The following NXPE2 variants were observed in gnomAD, a reference collection of about 807,000 sequenced individuals.
NXPE2 encodes neurexophilin and PC-esterase domain family member 2, also known as NXPE family member 2.
In NXPE2, 34 loss-of-function variants were observed where a neutral mutation model predicts 34.4. That is an observed-to-expected ratio of 0.99 (90% CI 0.75 to 1.31). The LOEUF (loss-of-function observed/expected upper bound fraction) is 1.31. Among genes scored for constraint, NXPE2 ranks in the 40% most tolerant of loss-of-function variants. NXPE2 has a pLI of 0.00. For missense variants in NXPE2, 649 were observed against 672.5 expected, an observed-to-expected ratio of 0.97 and a Z score of 0.39; for synonymous variants, 235 against 231.3, an observed-to-expected ratio of 1.02 and a Z score of -0.15.
the NXPE2 span, among the ~76,000 whole-genome samples, chr11:114,630,947 A>G: frequency 1.3e-5 from 2 of 150,996 alleles, no homozygotes; most frequent in African/African-American, 4.9e-5. Context: ...TGGCCATCAG[A>G]GAAATGCAAA....
chr11:114,674,181 A>G (rs975119055), upstream of NXPE2, among the ~76,000 whole-genome samples: 3 of 151,854 alleles, frequency 2.0e-5, no homozygotes, highest in Non-Finnish European at 4.4e-5. Flanking sequence ...TTTATTTAAA[A>G]AATTCATGCA....
At chr11:114,490,086 T>C in the NXPE2 span, among the ~76,000 whole-genome samples, 2 of 152,192 alleles carry the variant, frequency 1.3e-5, no homozygotes, top group African/African-American at 2.4e-5. Context: ...AGCCAAATCA[T>C]GAGTGAACTC....
chr11:114,803,797 C>G, the NXPE2 span, among the ~76,000 whole-genome samples: 1 of 151,972 alleles, frequency 6.6e-6, no homozygotes, highest in African/African-American at 2.4e-5. Context: ...CCAGGATGGT[C>G]TCAAACTCCA....
At chr11:114,756,231 C>T in the NXPE2 span, among the ~76,000 whole-genome samples, 452 of 152,182 alleles carry the variant, frequency 3.0e-3, no homozygotes, top group African/African-American at 0.01. Context: ...CAGAAGGAGA[C>T]GATAGAACAG....
At chr11:114,659,267 G>C in the NXPE2 span, among the ~76,000 whole-genome samples, 1 of 152,248 alleles carries the variant, frequency 6.6e-6, no homozygotes, top group East Asian at 1.9e-4. Flanking sequence ...CCATAGTAAA[G>C]AGCAAGGCAA....
chr11:114,466,095 A>G, the NXPE2 span, among the ~76,000 whole-genome samples: 1 of 152,156 alleles, frequency 6.6e-6, no homozygotes, highest in Non-Finnish European at 1.5e-5. Flanking sequence ...TTGTCTTATA[A>G]TACTGCTGCA....
At chr11:114,584,236 C>A in the NXPE2 span, 1 of 437,044 alleles carries the variant, frequency 2.3e-6, no homozygotes, top group Non-Finnish European at 4.6e-6. Flanking sequence ...CCCTAATGAG[C>A]CTTCATACAA....
At chr11:114,521,833 C>G in the NXPE2 span, 6 of 673,218 alleles carry the variant, frequency 8.9e-6, no homozygotes, top group Admixed American at 9.1e-5. Flanking sequence ...ATTGTCCTTA[C>G]ATAGCCTTCC....
the NXPE2 span, among the ~76,000 whole-genome samples, chr11:114,632,143 T>G: frequency 2.1e-5 from 3 of 143,566 alleles, no homozygotes; most frequent in African/African-American, 7.6e-5. Flanking sequence ...TATTATAATT[T>G]ATTATGTTAT....
chr11:114,806,109 C>G, the NXPE2 span, among the ~76,000 whole-genome samples: 1 of 152,294 alleles, frequency 6.6e-6, no homozygotes, highest in South Asian at 2.1e-4. Flanking sequence ...CTCTAGCAAA[C>G]TCCAACAGAC....
At chr11:114,713,535 A>G in the NXPE2 span, among the ~76,000 whole-genome samples, 7 of 152,314 alleles carry the variant, frequency 4.6e-5, no homozygotes, top group East Asian at 1.2e-3. Context: ...GGCCCTCTGT[A>G]TACATGGGTT....
chr11:114,552,222 T>C, the NXPE2 span: 1 of 152,222 alleles, frequency 6.6e-6, no homozygotes, highest in African/African-American at 2.4e-5. Context: ...ACCTTCTGAT[T>C]GATCTATGAC....
upstream of NXPE2, among the ~76,000 whole-genome samples, chr11:114,676,232 A>G (rs891315684): frequency 2.6e-5 from 4 of 152,010 alleles, no homozygotes; most frequent in African/African-American, 9.7e-5. Context: ...AGCACAGGCA[A>G]CAAAACAAAA....
At chr11:114,583,087 G>A in the NXPE2 span, 9 of 1,495,102 alleles carry the variant, frequency 6.0e-6, no homozygotes, top group Non-Finnish European at 7.2e-6. Context: ...GAAATGACAG[G>A]AAGTGTAACA....
the NXPE2 span, among the ~76,000 whole-genome samples, chr11:114,774,619 A>G: frequency 1.3e-5 from 2 of 152,186 alleles, no homozygotes; most frequent in Non-Finnish European, 2.9e-5. Flanking sequence ...GGACGTAATG[A>G]GACTGCGCAT....
At chr11:114,694,196 A>G (rs1349697356) in intron 2 of NXPE2, among the ~76,000 whole-genome samples, 1 of 152,236 alleles carries the variant, frequency 6.6e-6, no homozygotes. Flanking sequence ...AATTTAAGAT[A>G]CTATTCCCAT....
the NXPE2 span, among the ~76,000 whole-genome samples, chr11:114,556,814 T>C: frequency 2.0e-5 from 3 of 152,078 alleles, no homozygotes; most frequent in Non-Finnish European, 2.9e-5. Flanking sequence ...TTATCGTTGA[T>C]ATATCTATGT....
chr11:114,521,957 G>A, the NXPE2 span: 62 of 1,587,322 alleles, frequency 3.9e-5, no homozygotes, highest in Non-Finnish European at 4.8e-5. Flanking sequence ...ATTTTGTATA[G>A]TATTTATCCC....
the NXPE2 span, among the ~76,000 whole-genome samples, chr11:114,552,566 G>T: frequency 6.6e-6 from 1 of 151,678 alleles, no homozygotes; most frequent in Admixed American, 6.6e-5. Flanking sequence ...TGTACAAAAA[G>T]CATGTTCAAT....
Sources: allele counts gnomAD v4.1 joint callset (sites outside exome capture counted in the v4.1 genomes callset), GRCh38; gene constraint gnomAD v4.1.1; transcripts MANE v1.5; gene names NCBI Gene and HGNC (gene_info 2026-07-23, HGNC 2026-07-21).